The following ARHGAP42 variants were observed in gnomAD, a reference collection of about 807,000 sequenced individuals.
ARHGAP42 encodes rho GTPase-activating protein 42.
In ARHGAP42, 63 loss-of-function variants were observed where a neutral mutation model predicts 125.0. That is an observed-to-expected ratio of 0.50 (90% confidence interval 0.41 to 0.62). The LOEUF (loss-of-function observed/expected upper bound fraction) is 0.62. Among genes scored for constraint, ARHGAP42 ranks in the 20% least tolerant of loss-of-function variants. The pLI, the probability that ARHGAP42 is intolerant of heterozygous loss-of-function variation, is 0.00. For missense variants in ARHGAP42, 766 were observed against 1,024.2 expected, an observed-to-expected ratio of 0.75 and a Z score of 3.44; for synonymous variants, 339 against 351.0, an observed-to-expected ratio of 0.97 and a Z score of 0.38.
chr11:100,887,702 G>A (rs1408188299), intron 4 of ARHGAP42, among the ~76,000 whole-genome samples: 3 of 152,198 alleles, frequency 2.0e-5, no homozygotes, highest in Admixed American at 1.3e-4. Flanking sequence ...TCACAAGGAT[G>A]GATACAGACA....
intron 3 of ARHGAP42, among the ~76,000 whole-genome samples, chr11:100,818,833 C>T (rs1315004243): frequency 6.6e-6 from 1 of 151,974 alleles, no homozygotes; most frequent in Non-Finnish European, 1.5e-5. Context: ...AAAACTTAGC[C>T]TTGACAGTTG....
At chr11:100,763,495 T>C (rs1258269538) in intron 1 of ARHGAP42, among the ~76,000 whole-genome samples, 3 of 151,936 alleles carry the variant, frequency 2.0e-5, no homozygotes, top group Non-Finnish European at 4.4e-5. Flanking sequence ...TTTTTAAAAA[T>C]TTATTTATTT....
At chr11:100,924,232 T>C (rs1956596217) in intron 6 of ARHGAP42, among the ~76,000 whole-genome samples, 1 of 152,012 alleles carries the variant, frequency 6.6e-6, no homozygotes, top group African/African-American at 2.4e-5. Flanking sequence ...CAAAAGAAAA[T>C]ATGAACAGGG....
chr11:100,929,686 G>A (rs879543129), intron 6 of ARHGAP42, among the ~76,000 whole-genome samples: 2 of 151,858 alleles, frequency 1.3e-5, no homozygotes, highest in Non-Finnish European at 2.9e-5. Context: ...AATGCTTTTT[G>A]ACCATTCATA....
intron 10 of ARHGAP42, among the ~76,000 whole-genome samples, chr11:100,948,044 C>A (rs509676): frequency 0.88 from 134,115 of 152,018 alleles, 59,248 homozygotes; most frequent in East Asian, 1. Flanking sequence ...CCACATTGTT[C>A]CATATTAATT....
At chr11:100,807,567 T>C (rs1177182083) in intron 3 of ARHGAP42, among the ~76,000 whole-genome samples, 1 of 152,198 alleles carries the variant, frequency 6.6e-6, no homozygotes, top group Non-Finnish European at 1.5e-5. Flanking sequence ...TTACTCAGTG[T>C]GATGTCGACC....
chr11:100,980,170 T>C (rs1299363679), intron 22 of ARHGAP42, among the ~76,000 whole-genome samples: 1 of 152,186 alleles, frequency 6.6e-6, no homozygotes, highest in African/African-American at 2.4e-5. Context: ...TTTAAATAGC[T>C]GAGCCAAGAG....
At chr11:100,959,275 A>G (rs915580546) in intron 12 of ARHGAP42, among the ~76,000 whole-genome samples, 12 of 152,130 alleles carry the variant, frequency 7.9e-5, no homozygotes, top group African/African-American at 2.2e-4. Context: ...ATAAATTGCA[A>G]TTTCATAATC....
intron 14 of ARHGAP42, 40 bp downstream of exon 14, chr11:100,961,029 C>G (rs979904532): frequency 2.2e-6 from 3 of 1,392,298 alleles, no homozygotes; most frequent in Non-Finnish European, 2.9e-6. Flanking sequence ...TTTTTGTGTT[C>G]TTATAGGTAA....
At chr11:100,933,375 T>G in intron 7 of ARHGAP42, 115 bp downstream of exon 7, 1 of 610,460 alleles carries the variant, frequency 1.6e-6, no homozygotes, top group African/African-American at 1.9e-5. Context: ...CACAAAACCC[T>G]AATCTTAGTT....
chr11:100,795,072 T>A (rs1308795288), intron 2 of ARHGAP42, 33 bp from the exon 3 acceptor site: 3 of 1,487,010 alleles, frequency 2.0e-6, no homozygotes, highest in Non-Finnish European at 2.7e-6. Flanking sequence ...ATGAAAATAT[T>A]AATTCTTTGC....
intron 1 of ARHGAP42, among the ~76,000 whole-genome samples, chr11:100,742,201 G>T (rs1182186758): frequency 6.6e-6 from 1 of 152,178 alleles, no homozygotes; most frequent in Non-Finnish European, 1.5e-5. Context: ...GAGAGAGGGG[G>T]TCTTATTTTT....
intron 1 of ARHGAP42, among the ~76,000 whole-genome samples, chr11:100,769,570 A>G (rs12271498): frequency 0.13 from 19,440 of 152,012 alleles, 1,458 homozygotes; most frequent in East Asian, 0.3. Flanking sequence ...GTCATCTTTT[A>G]CCTTCTTGAA....
intron 4 of ARHGAP42, among the ~76,000 whole-genome samples, chr11:100,900,350 C>A (rs1216198023): frequency 6.6e-6 from 1 of 152,178 alleles, no homozygotes; most frequent in Admixed American, 6.5e-5. Flanking sequence ...TTTTTTCCTT[C>A]ATTTCAACCT....
intron 4 of ARHGAP42, among the ~76,000 whole-genome samples, chr11:100,882,786 G>T (rs1001078117): frequency 1.3e-5 from 2 of 151,966 alleles, no homozygotes; most frequent in South Asian, 2.1e-4. Flanking sequence ...TCTCTTCAGG[G>T]TATCTGTCTG....
chr11:100,811,432 T>C (rs1337187764), intron 3 of ARHGAP42, among the ~76,000 whole-genome samples: 4 of 151,906 alleles, frequency 2.6e-5, no homozygotes, highest in Non-Finnish European at 5.9e-5. Flanking sequence ...AAGTAGAATG[T>C]GAATGACTAG....
intron 4 of ARHGAP42, among the ~76,000 whole-genome samples, chr11:100,909,205 T>G (rs1213153014): frequency 6.6e-6 from 1 of 152,178 alleles, no homozygotes; most frequent in East Asian, 1.9e-4. Flanking sequence ...GTTGATTATT[T>G]CTTTTGCTGT....
At chr11:100,906,065 G>C (rs1866727135) in intron 4 of ARHGAP42, among the ~76,000 whole-genome samples, 2 of 152,102 alleles carry the variant, frequency 1.3e-5, no homozygotes, top group Admixed American at 1.3e-4. Flanking sequence ...AAGTTCAAAG[G>C]CTTACTTGTC....
intron 3 of ARHGAP42, among the ~76,000 whole-genome samples, chr11:100,800,018 G>A (rs1008957089): frequency 6.6e-6 from 1 of 152,164 alleles, no homozygotes; most frequent in Admixed American, 6.5e-5. Context: ...AGAGAAGTAA[G>A]GGGACTATGG....
Sources: allele counts gnomAD v4.1 joint callset (sites outside exome capture counted in the v4.1 genomes callset), GRCh38; gene constraint gnomAD v4.1.1; transcripts MANE v1.5; gene names NCBI Gene and HGNC (gene_info 2026-07-23, HGNC 2026-07-21).